The following TRPS1 variants were observed in gnomAD, a reference collection of about 807,000 sequenced individuals.
TRPS1 encodes zinc finger transcription factor Trps1.
A neutral mutation model predicts 101.2 loss-of-function variants in TRPS1; 6 were observed. The observed-to-expected ratio is 0.06, with a 90% CI of 0.03 to 0.12. The LOEUF is 0.12. Among genes scored for constraint, TRPS1 ranks in the 10% least tolerant of loss-of-function variants. The pLI, the probability that TRPS1 is intolerant of heterozygous loss-of-function variation, is 1.00. For missense variants in TRPS1, 1,363 were observed against 1,567.0 expected (o/e 0.87, Z 2.20); for synonymous variants, 578 against 589.8 (o/e 0.98, Z 0.29).
intron 4 of TRPS1, among the ~76,000 whole-genome samples, chr8:115,601,005 C>T (rs1817895671): frequency 6.6e-6 from 1 of 151,984 alleles, no homozygotes; most frequent in Admixed American, 6.6e-5. Flanking sequence ...GCAGTTCCAC[C>T]AAGTTTAACT....
At chr8:115,661,509 C>A (rs1318124525) in intron 1 of TRPS1, 5 of 152,028 alleles carry the variant, frequency 3.3e-5, no homozygotes, top group Non-Finnish European at 7.4e-5. Flanking sequence ...TAGAACTCCT[C>A]TCATATTATA....
rs1326042390 is a variant in TRPS1, at chr8:115,467,519, T to TC, written c.2701-49068dup. 2.0e-5 allele frequency among the ~76,000 whole-genome samples: 3 copies of TC among 152,188 alleles called. No individual in the cohort carries two copies. The East Asian group carries it at 5.8e-4, about 29-fold the overall frequency. ...TCTGAACTTTTCTGTGATTTGAATT[T>TC]CTACCTATTAGGCTTTCCTATATTG... is the stretch of plus-strand genomic sequence containing the variant. On this transcript the variant is annotated intron_variant, in intron 5 of 6. Transcript: ENST00000395715.
At chr8:115,517,558 A>G (rs1210013934) in intron 5 of TRPS1, among the ~76,000 whole-genome samples, 1 of 27,400 alleles carries the variant, frequency 3.6e-5, no homozygotes, top group Non-Finnish European at 6.9e-5. Context: ...AACAACAAAA[A>G]TTGTTGTGAA....
At chr8:115,475,596 T>C (rs1814585045) in intron 5 of TRPS1, among the ~76,000 whole-genome samples, 1 of 152,064 alleles carries the variant, frequency 6.6e-6, no homozygotes, top group Non-Finnish European at 1.5e-5. Flanking sequence ...CATTTAATAG[T>C]ACAGAAAGCT....
At chr8:115,508,860 C>T (rs535057243) in intron 5 of TRPS1, among the ~76,000 whole-genome samples, 12 of 152,088 alleles carry the variant, frequency 7.9e-5, no homozygotes, top group African/African-American at 2.9e-4. Context: ...CTTTGATCTA[C>T]TTTCCCTGGG....
chr8:115,623,573 T>C, intron 2 of TRPS1, 28 bp downstream of exon 2: 1 of 1,610,686 alleles, frequency 6.2e-7, no homozygotes, highest in Non-Finnish European at 8.5e-7. Context: ...CCAGTTAACA[T>C]TTTCACTTGA....
intron 5 of TRPS1, among the ~76,000 whole-genome samples, chr8:115,453,203 T>C (rs1813924930): frequency 6.6e-6 from 1 of 152,100 alleles, no homozygotes. Context: ...GTATTTTTAG[T>C]AGAGACGGGG....
intron 5 of TRPS1, among the ~76,000 whole-genome samples, chr8:115,547,000 A>G (rs1453069029): frequency 6.6e-6 from 1 of 152,230 alleles, no homozygotes; most frequent in East Asian, 1.9e-4. Flanking sequence ...GTTGTCAACT[A>G]CATTTGAAGT....
At chr8:115,459,844 T>C (rs1203731563) in intron 5 of TRPS1, among the ~76,000 whole-genome samples, 1 of 152,212 alleles carries the variant, frequency 6.6e-6, no homozygotes, top group East Asian at 1.9e-4. Context: ...GTTATACAAA[T>C]GGATATCTAA....
chr8:115,592,961 G>A (rs1817709864), intron 4 of TRPS1, among the ~76,000 whole-genome samples: 1 of 151,916 alleles, frequency 6.6e-6, no homozygotes, highest in Admixed American at 6.6e-5. Context: ...TATATATTCA[G>A]CACTTTTAGA....
chr8:115,575,057 T>C (rs1817285461), intron 5 of TRPS1, among the ~76,000 whole-genome samples: 2 of 152,116 alleles, frequency 1.3e-5, no homozygotes, highest in South Asian at 4.1e-4. Context: ...TGCTTGCCAA[T>C]AAACTCTACT....
chr8:115,470,917 A>C (rs1814452620), intron 5 of TRPS1, among the ~76,000 whole-genome samples: 1 of 152,218 alleles, frequency 6.6e-6, no homozygotes, highest in African/African-American at 2.4e-5. Context: ...CTAACTTTTC[A>C]GAGTTTATTT....
At chr8:115,449,156 G>C (rs1356386720) in intron 5 of TRPS1, among the ~76,000 whole-genome samples, 2 of 151,984 alleles carry the variant, frequency 1.3e-5, no homozygotes, top group Non-Finnish European at 2.9e-5. Flanking sequence ...TATAAAGAAA[G>C]GAAAATATTT....
intron 5 of TRPS1, among the ~76,000 whole-genome samples, chr8:115,526,387 C>T (rs998875999): frequency 4.6e-5 from 7 of 152,108 alleles, no homozygotes; most frequent in African/African-American, 1.7e-4. Context: ...ATGGACTCAA[C>T]ATGGGTCTAG....
rs1813015959 is a variant in TRPS1, at chr8:115,420,107, T to C, written c.2701-1655A>G. Among the ~76,000 whole-genome samples the C allele has an allele frequency of 2.0e-5, 3 of 152,142 alleles. No individual in the cohort carries two copies. In the South Asian group the frequency reaches 6.2e-4, roughly 31 times the overall value. On this transcript the variant is annotated intron_variant, in intron 5 of 6. Transcript: ENST00000395715. The stretch of plus-strand genomic sequence containing the variant: ...GGTTGTGCTACTTTAGGTGATGTAA[T>C]AAAAACTAGATTTCCAAAGATAATC...
At chr8:115,541,476 AACC>A (rs1816452675) in intron 5 of TRPS1, among the ~76,000 whole-genome samples, 1 of 152,250 alleles carries the variant, frequency 6.6e-6, no homozygotes, top group African/African-American at 2.4e-5. Flanking sequence ...TTTAAAAAGT[AACC>A]TCTCTTTGTA....
At chr8:115,555,867 AC>A (rs1345400122) in intron 5 of TRPS1, among the ~76,000 whole-genome samples, 84 of 73,326 alleles carry the variant, frequency 1.1e-3, no homozygotes, top group African/African-American at 4.3e-3. Flanking sequence ...AAACAAACAA[AC>A]AAAAAAAAAA....
At chr8:115,489,982 CT>C (rs1247895031) in intron 5 of TRPS1, among the ~76,000 whole-genome samples, 1 of 151,986 alleles carries the variant, frequency 6.6e-6, no homozygotes. Context: ...CTCAATGTCT[CT>C]TTTTTAGCTA....
chr8:115,485,591 T>C (rs1294551438), intron 5 of TRPS1, among the ~76,000 whole-genome samples: 1 of 152,166 alleles, frequency 6.6e-6, no homozygotes. Context: ...GTAGTTACTA[T>C]ATATGTTGCC....
Sources: gnomAD v4.1 joint callset for allele counts (sites outside exome capture counted in the v4.1 genomes callset) on GRCh38, gnomAD v4.1.1 for gene constraint, MANE v1.5 for transcripts, NCBI Gene and HGNC (gene_info 2026-07-23, HGNC 2026-07-21) for gene names.